Variants in DCT observed in about 807,000 individuals in gnomAD.
DCT encodes dopachrome tautomerase.
In DCT, 47 loss-of-function variants were observed where a neutral mutation model predicts 53.0. The ratio of observed to expected loss-of-function variants is 0.89; its 90% CI spans 0.70 to 1.13. DCT has a LOEUF of 1.13. Among genes scored for constraint, DCT ranks in the 50% most tolerant of loss-of-function variants. The pLI is 0.00. For missense variants in DCT, 669 were observed against 637.4 expected (o/e 1.05, Z -0.53); for synonymous variants, 244 against 237.0 (o/e 1.03, Z -0.27).
At chr13:94,512,075 T>C in the DCT span, among the ~76,000 whole-genome samples, 1 of 152,146 alleles carries the variant, frequency 6.6e-6, no homozygotes, top group Admixed American at 6.5e-5. Flanking sequence ...CCATAAGGCT[T>C]TTAAAGGAAG....
upstream of DCT, among the ~76,000 whole-genome samples, chr13:94,483,224 G>A (rs964183895): frequency 2.6e-5 from 4 of 151,518 alleles, no homozygotes; most frequent in Non-Finnish European, 5.9e-5. Flanking sequence ...CAAGTGAGCC[G>A]TGATTGCACC....
At chr13:94,548,376 T>C in the DCT span, among the ~76,000 whole-genome samples, 1 of 151,792 alleles carries the variant, frequency 6.6e-6, no homozygotes, top group Non-Finnish European at 1.5e-5. Flanking sequence ...GAGTTTCCCT[T>C]CCCCCTCAAA....
At chr13:94,498,949 A>G in the DCT span, among the ~76,000 whole-genome samples, 1 of 152,110 alleles carries the variant, frequency 6.6e-6, no homozygotes, top group Non-Finnish European at 1.5e-5. Context: ...GCCAGTCAGC[A>G]CTCTGTAAAA....
At chr13:94,538,398 G>A in the DCT span, among the ~76,000 whole-genome samples, 1 of 152,158 alleles carries the variant, frequency 6.6e-6, no homozygotes, top group African/African-American at 2.4e-5. Flanking sequence ...TGGAGCTCTG[G>A]CCCAGGCAGC....
chr13:94,542,599 T>C, the DCT span, among the ~76,000 whole-genome samples: 2 of 152,208 alleles, frequency 1.3e-5, no homozygotes, highest in South Asian at 4.1e-4. Flanking sequence ...GCCTCCTGCT[T>C]CATGCGTTCA....
At chr13:94,541,146 G>T in the DCT span, among the ~76,000 whole-genome samples, 1 of 152,138 alleles carries the variant, frequency 6.6e-6, no homozygotes, top group African/African-American at 2.4e-5. Context: ...AGAGTAGTGG[G>T]GAGGTGGAGA....
chr13:94,453,817 C>T (rs1409369939), intron 6 of DCT, among the ~76,000 whole-genome samples: 2 of 152,210 alleles, frequency 1.3e-5, no homozygotes, highest in Admixed American at 1.3e-4. Context: ...CGTGAGGTCT[C>T]CCCAGCCACA....
chr13:94,462,309 A>T (rs1883867225), intron 4 of DCT, 120 bp from the exon 5 acceptor site: 1 of 730,412 alleles, frequency 1.4e-6, no homozygotes, highest in Non-Finnish European at 2.3e-6. Context: ...GGAGTTTGAG[A>T]CCAGCTATGG....
intron 1 of DCT, among the ~76,000 whole-genome samples, chr13:94,475,768 A>G (rs1363182735): frequency 6.6e-5 from 10 of 152,268 alleles, no homozygotes; most frequent in Admixed American, 6.5e-4. Context: ...TGGAAATGGC[A>G]ACACAACTGT....
At chr13:94,473,133 G>A (rs1257266352) in intron 1 of DCT, among the ~76,000 whole-genome samples, 1 of 152,132 alleles carries the variant, frequency 6.6e-6, no homozygotes, top group Non-Finnish European at 1.5e-5. Flanking sequence ...TACAAATACA[G>A]ATGGCCTCTG....
At chr13:94,441,737 C>T (rs1365291677) in intron 7 of DCT, among the ~76,000 whole-genome samples, 1 of 152,112 alleles carries the variant, frequency 6.6e-6, no homozygotes, top group African/African-American at 2.4e-5. Context: ...TTTGTTTATT[C>T]ATTCATCCAC....
At chr13:94,489,259 A>G in the DCT span, among the ~76,000 whole-genome samples, 16 of 152,238 alleles carry the variant, frequency 1.1e-4, no homozygotes, top group Non-Finnish European at 2.1e-4. Context: ...ATGACATTAC[A>G]TAAAGGAGGA....
chr13:94,499,759 C>A, the DCT span, among the ~76,000 whole-genome samples: 7 of 152,070 alleles, frequency 4.6e-5, no homozygotes, highest in South Asian at 2.1e-4. Context: ...ACTGACCTCC[C>A]CTCATGACTC....
In DCT at chr13:94,439,926, C is replaced by T; in HGVS notation, c.1532G>A (p.Ser511Asn). Residue 511 changes from serine (S) to asparagine (N), a missense_variant, in exon 8 of 8, where the codon AGC becomes AAC. By Grantham distance (46) the Ser-to-Asn change is conservative (BLOSUM62 1). Coordinates refer to ENST00000377028, the MANE Select transcript of DCT (RefSeq NM_001922.5). ...GYTPLMETHL[S>N]SKRYTEEA ...GGCTTCTTCTGTGTATCTCTTGCTG[C>T]TTAAATGTGTCTCCATTAGGGGTGT... The T allele has an allele frequency of 6.2e-7, 1 of 1,613,884 alleles. No individual in the cohort carries two copies. The highest frequency in any genetic ancestry group is 8.5e-7 in the Non-Finnish European group (1 of 1,179,898).
intron 6 of DCT, among the ~76,000 whole-genome samples, chr13:94,456,242 A>T (rs1883406188): frequency 6.6e-6 from 1 of 152,184 alleles, no homozygotes; most frequent in African/African-American, 2.4e-5. Flanking sequence ...AGAAGGAAAG[A>T]ACAACTCTAC....
chr13:94,447,210 C>T (rs1010554439), intron 6 of DCT, among the ~76,000 whole-genome samples: 2 of 152,220 alleles, frequency 1.3e-5, no homozygotes, highest in Non-Finnish European at 2.9e-5. Context: ...CGGTCCCCAA[C>T]CTTTTTGGCA....
the DCT span, among the ~76,000 whole-genome samples, chr13:94,509,818 T>C: frequency 1.2e-4 from 19 of 152,284 alleles, no homozygotes; most frequent in African/African-American, 3.4e-4. Flanking sequence ...AAGTAAGTGC[T>C]CAAAAATGTT....
intron 6 of DCT, chr13:94,452,714 A>G (rs1312405525): frequency 4.4e-6 from 3 of 684,882 alleles, no homozygotes; most frequent in Non-Finnish European, 7.9e-6. Flanking sequence ...TAAAATTAAA[A>G]TAATACATTT....
At chr13:94,538,606 G>T in the DCT span, among the ~76,000 whole-genome samples, 3 of 152,292 alleles carry the variant, frequency 2.0e-5, no homozygotes, top group Admixed American at 2.0e-4. Flanking sequence ...GAATTCAAGG[G>T]TATAAACCAT....
Sources: allele counts gnomAD v4.1 joint callset (sites outside exome capture counted in the v4.1 genomes callset), GRCh38; gene constraint gnomAD v4.1.1; transcripts MANE v1.5; gene names NCBI Gene and HGNC (gene_info 2026-07-23, HGNC 2026-07-21).